The following BAZ1A variants were observed in gnomAD, a reference collection of about 807,000 sequenced individuals.
BAZ1A encodes bromodomain adjacent to zinc finger domain 1A, also known as bromodomain adjacent to zinc finger domain protein 1A.
BAZ1A carries 50 observed loss-of-function variants against 185.2 expected under a neutral mutation model. The observed-to-expected ratio is 0.27, with a 90% CI of 0.22 to 0.34. The LOEUF is 0.34. Ranked by LOEUF, BAZ1A falls within the 10% of genes least tolerant of loss-of-function variation. The probability of loss-of-function intolerance (pLI) is 1.00; values close to 1 mark genes in which losing one functional copy is unlikely to be tolerated. For missense variants in BAZ1A, 1,356 were observed against 1,839.9 expected (o/e 0.74, Z 4.81); for synonymous variants, 571 against 615.6 (o/e 0.93, Z 1.07).
intron 12 of BAZ1A, among the ~76,000 whole-genome samples, chr14:34,789,882 T>A (rs1422611265): frequency 6.6e-6 from 1 of 152,222 alleles, no homozygotes; most frequent in Non-Finnish European, 1.5e-5. Flanking sequence ...AATGAGTATC[T>A]AGATCAGATT....
At chr14:34,814,674 C>T (rs2041979719) in intron 4 of BAZ1A, among the ~76,000 whole-genome samples, 1 of 151,744 alleles carries the variant, frequency 6.6e-6, no homozygotes, top group Non-Finnish European at 1.5e-5. Flanking sequence ...AGGGTTTCTC[C>T]ACATTGCCCA....
intron 20 of BAZ1A, among the ~76,000 whole-genome samples, chr14:34,772,619 TA>T (rs1398433818): frequency 1.3e-5 from 2 of 152,108 alleles, no homozygotes; most frequent in Non-Finnish European, 2.9e-5. Flanking sequence ...ATTTAATACT[TA>T]TACTTATTTA....
intron 3 of BAZ1A, among the ~76,000 whole-genome samples, chr14:34,838,810 C>A (rs1411799304): frequency 1.3e-5 from 2 of 152,164 alleles, no homozygotes; most frequent in Non-Finnish European, 2.9e-5. Flanking sequence ...CAGGCATGAG[C>A]CACCATTTCT....
chr14:34,830,209 C>G (rs1224851812), intron 3 of BAZ1A, among the ~76,000 whole-genome samples: 5 of 151,992 alleles, frequency 3.3e-5, no homozygotes, highest in Admixed American at 2.6e-4. Flanking sequence ...AACAGTACTA[C>G]TCATAAGAGC....
intron 25 of BAZ1A, among the ~76,000 whole-genome samples, chr14:34,757,954 A>T (rs1409027610): frequency 6.6e-6 from 1 of 150,908 alleles, no homozygotes; most frequent in Admixed American, 6.6e-5. Context: ...TCACTGTGTT[A>T]GCCAGGATGG....
chr14:34,819,100 C>A (rs1422298624), intron 4 of BAZ1A, among the ~76,000 whole-genome samples: 1 of 138,194 alleles, frequency 7.2e-6, no homozygotes, highest in African/African-American at 2.7e-5. Flanking sequence ...GAGATCACGC[C>A]ACTGCACTCC....
intron 3 of BAZ1A, among the ~76,000 whole-genome samples, chr14:34,830,029 C>G (rs943845521): frequency 1.3e-5 from 2 of 152,154 alleles, no homozygotes; most frequent in African/African-American, 4.8e-5. Context: ...GAGGTTTAAT[C>G]TCTATTGAGA....
At chr14:34,857,401 T>C (rs1217249564) in intron 3 of BAZ1A, among the ~76,000 whole-genome samples, 2 of 152,156 alleles carry the variant, frequency 1.3e-5, no homozygotes, top group African/African-American at 2.4e-5. Flanking sequence ...ATTCCTGGGC[T>C]CAACTGATCC....
At chr14:34,799,820 C>A (rs1213790070) in intron 9 of BAZ1A, among the ~76,000 whole-genome samples, 1 of 152,140 alleles carries the variant, frequency 6.6e-6, no homozygotes, top group East Asian at 1.9e-4. Context: ...CCGTCCTGGC[C>A]AGGCTGGTCT....
At chr14:34,865,326 A>C (rs1666102614) in intron 2 of BAZ1A, among the ~76,000 whole-genome samples, 1 of 152,210 alleles carries the variant, frequency 6.6e-6, no homozygotes, top group African/African-American at 2.4e-5. Context: ...GGTAAGATAC[A>C]GGTAAAATTT....
intron 3 of BAZ1A, among the ~76,000 whole-genome samples, chr14:34,853,550 C>T (rs566156171): frequency 5.9e-5 from 9 of 152,062 alleles, no homozygotes; most frequent in Admixed American, 2.6e-4. Flanking sequence ...TTTGGGAGGC[C>T]GAGGCGGGTG....
At chr14:34,837,082 G>A (rs1340981478) in intron 3 of BAZ1A, among the ~76,000 whole-genome samples, 1 of 151,396 alleles carries the variant, frequency 6.6e-6, no homozygotes, top group Non-Finnish European at 1.5e-5. Flanking sequence ...CTAAAAGAAT[G>A]TTTCATTTTT....
intron 25 of BAZ1A, among the ~76,000 whole-genome samples, chr14:34,757,057 A>G (rs1886280985): frequency 6.6e-6 from 1 of 152,162 alleles, no homozygotes; most frequent in Non-Finnish European, 1.5e-5. Flanking sequence ...GTAACACACC[A>G]TCATTATTTA....
At chr14:34,768,646 T>G (rs543655419) in intron 21 of BAZ1A, 1 of 362,612 alleles carries the variant, frequency 2.8e-6, no homozygotes, top group East Asian at 8.1e-5. Flanking sequence ...AATCATTCTT[T>G]AAAAAGACAA....
At chr14:34,803,083 T>C in intron 6 of BAZ1A, 95 bp from the exon 7 acceptor site, 1 of 1,319,648 alleles carries the variant, frequency 7.6e-7, no homozygotes, top group Non-Finnish European at 1.1e-6. Flanking sequence ...ATTAATGCTG[T>C]TAAAAGATCA....
chr14:34,865,881 G>T (rs2042850641), intron 2 of BAZ1A, among the ~76,000 whole-genome samples: 1 of 151,998 alleles, frequency 6.6e-6, no homozygotes, highest in African/African-American at 2.4e-5. Context: ...TTTTTGGGGG[G>T]AAGTAATGTT....
intron 3 of BAZ1A, among the ~76,000 whole-genome samples, chr14:34,852,652 G>A (rs1235240339): frequency 6.6e-6 from 1 of 152,008 alleles, no homozygotes; most frequent in Non-Finnish European, 1.5e-5. Context: ...GTTCCCCAAT[G>A]AAGACACTGA....
intron 19 of BAZ1A, 109 bp downstream of exon 19, chr14:34,774,218 G>C (rs574030355): frequency 1.3e-6 from 1 of 777,022 alleles, no homozygotes; most frequent in Non-Finnish European, 1.9e-6. Context: ...TCATTCTCTG[G>C]TGTTTATTCA....
chr14:34,771,877 G>T (rs187136029), intron 20 of BAZ1A, among the ~76,000 whole-genome samples: 1 of 152,280 alleles, frequency 6.6e-6, no homozygotes, highest in Non-Finnish European at 1.5e-5. Context: ...TTATGGGAAA[G>T]GTTTCAGAGA....
Sources: allele counts gnomAD v4.1 joint callset (sites outside exome capture counted in the v4.1 genomes callset), GRCh38; gene constraint gnomAD v4.1.1; transcripts MANE v1.5; gene names NCBI Gene and HGNC (gene_info 2026-07-23, HGNC 2026-07-21).